The following ZNF644 variants were observed in gnomAD, a reference collection of about 807,000 sequenced individuals.
ZNF644 encodes zinc finger motif enhancer binding protein 2.
A neutral mutation model predicts 108.0 loss-of-function variants in ZNF644; 20 were observed. The ratio of observed to expected loss-of-function variants is 0.19; its 90% CI spans 0.13 to 0.27. ZNF644 has a LOEUF of 0.27. Among genes scored for constraint, ZNF644 ranks in the 10% least tolerant of loss-of-function variants. The probability of loss-of-function intolerance (pLI) is 1.00; values close to 1 mark genes in which losing one functional copy is unlikely to be tolerated. For missense variants in ZNF644, 1,338 were observed against 1,548.9 expected (o/e 0.86, Z 2.29); for synonymous variants, 542 against 539.1 (o/e 1.01, Z -0.08).
At chr1:90,965,720 T>C (rs559579386) in intron 2 of ZNF644, among the ~76,000 whole-genome samples, 8 of 152,332 alleles carry the variant, frequency 5.3e-5, no homozygotes, top group African/African-American at 1.7e-4. Flanking sequence ...TCATATCCAA[T>C]GCACTTTGTC....
At chr1:90,987,249 T>TC (rs1657194411) in intron 1 of ZNF644, among the ~76,000 whole-genome samples, 2 of 107,692 alleles carry the variant, frequency 1.9e-5, no homozygotes, top group Admixed American at 8.1e-5. Flanking sequence ...AGAGTTGGTT[T>TC]TTTTTTTTTT....
intron 2 of ZNF644, among the ~76,000 whole-genome samples, chr1:90,950,110 T>A (rs1180957495): frequency 6.6e-6 from 1 of 151,070 alleles, no homozygotes; most frequent in Non-Finnish European, 1.5e-5. Context: ...AAACCCCGTC[T>A]CTACTAAAAT....
intron 1 of ZNF644, among the ~76,000 whole-genome samples, chr1:91,018,433 T>G (rs1014355304): frequency 1.3e-5 from 2 of 152,234 alleles, no homozygotes; most frequent in Admixed American, 1.3e-4. Flanking sequence ...GATTAATAAG[T>G]GTAAATAAAA....
At chr1:90,948,181 T>G (rs1485086702) in intron 2 of ZNF644, among the ~76,000 whole-genome samples, 1 of 152,212 alleles carries the variant, frequency 6.6e-6, no homozygotes, top group Non-Finnish European at 1.5e-5. Flanking sequence ...AAGAATGGTT[T>G]TAGAGCATAG....
intron 1 of ZNF644, among the ~76,000 whole-genome samples, chr1:90,997,460 TAACA>T (rs1165450869): frequency 3.3e-5 from 5 of 150,956 alleles, no homozygotes; most frequent in Non-Finnish European, 7.4e-5. Context: ...ATCACTAAAA[TAACA>T]AACAACGCTG....
At chr1:90,990,659 C>G (rs535274007) in intron 1 of ZNF644, among the ~76,000 whole-genome samples, 79 of 152,250 alleles carry the variant, frequency 5.2e-4, no homozygotes, top group African/African-American at 1.8e-3. Context: ...AGAACGCCCT[C>G]AAGTATCTAG....
At chr1:90,945,192 G>A (rs1301701370) in intron 2 of ZNF644, among the ~76,000 whole-genome samples, 1 of 152,022 alleles carries the variant, frequency 6.6e-6, no homozygotes, top group Non-Finnish European at 1.5e-5. Context: ...ATAAACTGAT[G>A]TTTGGACTCC....
intron 2 of ZNF644, among the ~76,000 whole-genome samples, chr1:90,941,958 G>A (rs945946526): frequency 1.8e-4 from 27 of 152,072 alleles, no homozygotes; most frequent in Admixed American, 1.4e-3. Context: ...TCTATCAATT[G>A]TAAAAATGCT....
intron 2 of ZNF644, among the ~76,000 whole-genome samples, chr1:90,976,328 T>C (rs1276975678): frequency 6.6e-6 from 1 of 152,202 alleles, no homozygotes; most frequent in Non-Finnish European, 1.5e-5. Context: ...ACTTGTACTA[T>C]AACTAGTTGC....
chr1:90,986,374 A>T (rs1657096634), intron 1 of ZNF644, among the ~76,000 whole-genome samples: 2 of 152,056 alleles, frequency 1.3e-5, no homozygotes, highest in Non-Finnish European at 2.9e-5. Context: ...GTCTTCAGAA[A>T]CTTAGGAAGA....
chr1:90,954,384 G>A (rs1373775878), intron 2 of ZNF644, among the ~76,000 whole-genome samples: 1 of 151,700 alleles, frequency 6.6e-6, no homozygotes, highest in Non-Finnish European at 1.5e-5. Context: ...TGAGATTGCA[G>A]CAATTCAGTT....
rs748008763 is a variant in ZNF644, at chr1:91,007,338, C to T, written c.-18+14652G>A. Among the ~76,000 whole-genome samples the T allele has an allele frequency of 2.4e-4, 34 of 144,302 alleles. 1 individual carries two copies. The highest frequency in any genetic ancestry group is 7.5e-3 in the Middle Eastern group (2 of 266). 94.7% of individuals were successfully genotyped at this position (144,302 alleles called of 152,430 possible). On this transcript the variant is annotated intron_variant, in intron 1 of 5. Transcript: ENST00000337393. ...GCAACCTCCACCTCCCAGGTTCAAG[C>T]GATTTGCTGGGATTACGGGTGCATA...
chr1:90,980,253 A>C (rs139431641), intron 2 of ZNF644, among the ~76,000 whole-genome samples: 2 of 152,370 alleles, frequency 1.3e-5, no homozygotes, highest in Non-Finnish European at 2.9e-5. Flanking sequence ...ATGATGCTTC[A>C]GATAGGCTAT....
chr1:90,921,800 G>C (rs1441620632), intron 4 of ZNF644, among the ~76,000 whole-genome samples: 1 of 150,796 alleles, frequency 6.6e-6, no homozygotes, highest in Non-Finnish European at 1.5e-5. Flanking sequence ...ATACAAATAT[G>C]AAAGAGAAAT....
intron 2 of ZNF644, among the ~76,000 whole-genome samples, chr1:90,948,732 T>C (rs1208733093): frequency 6.6e-6 from 1 of 152,214 alleles, no homozygotes; most frequent in African/African-American, 2.4e-5. Flanking sequence ...CAAGCTCATG[T>C]TGTTCAAGGG....
chr1:90,918,602 C>T (rs938714479), intron 4 of ZNF644, among the ~76,000 whole-genome samples: 2 of 152,184 alleles, frequency 1.3e-5, no homozygotes, highest in Middle Eastern at 6.8e-3. Context: ...TTGATTACTG[C>T]TCCATTAAGT....
intron 1 of ZNF644, among the ~76,000 whole-genome samples, chr1:91,000,089 G>A: frequency 6.6e-6 from 1 of 152,014 alleles, no homozygotes; most frequent in East Asian, 1.9e-4. Flanking sequence ...AATAATAAAG[G>A]GAGACTTTAG....
chr1:90,966,759 A>AT (rs1654946508), intron 2 of ZNF644, among the ~76,000 whole-genome samples: 1 of 151,474 alleles, frequency 6.6e-6, no homozygotes, highest in Admixed American at 6.6e-5. Flanking sequence ...AAAAAAAAAA[A>AT]AAAAAAAAAA....
chr1:90,965,634 G>C (rs929612789), intron 2 of ZNF644, among the ~76,000 whole-genome samples: 5 of 152,098 alleles, frequency 3.3e-5, no homozygotes, highest in African/African-American at 1.2e-4. Context: ...TAAAATAACA[G>C]AATACTATTT....
Sources: gnomAD v4.1 joint callset for allele counts (sites outside exome capture counted in the v4.1 genomes callset) on GRCh38, gnomAD v4.1.1 for gene constraint, MANE v1.5 for transcripts, NCBI Gene and HGNC (gene_info 2026-07-23, HGNC 2026-07-21) for gene names.